The following JAGN1 variants were observed in gnomAD, a reference collection of about 807,000 sequenced individuals.
JAGN1 encodes jagunal vesicle mediated transporter 1, also known as protein jagunal homolog 1.
Under a neutral mutation model 17.1 loss-of-function variants are expected in JAGN1, and 13 were observed. The observed-to-expected ratio is 0.76, with a 90% CI of 0.49 to 1.21. JAGN1 has a LOEUF of 1.21. Ranked by LOEUF, JAGN1 falls within the 50% of genes most tolerant of loss-of-function variation. The pLI is 0.00. For synonymous variants in JAGN1, 111 were observed against 91.0 expected, an observed-to-expected ratio of 1.22 and a Z score of -1.25; for missense variants, 256 against 234.2, an observed-to-expected ratio of 1.09 and a Z score of -0.61.
chr3:9,890,760 A>G lies in JAGN1; in HGVS notation c.38A>G (p.Asp13Gly). The G allele has an allele frequency of 6.2e-7, 1 of 1,610,054 alleles. No individual in the cohort carries two copies. Among genetic ancestry groups the G allele is most frequent in the Non-Finnish European group, 8.5e-7 (1 of 1,178,904 alleles). The change falls in exon 1 of 2, where the codon GAC becomes GGC. Residue 13 changes from aspartate to glycine, a missense_variant. By Grantham distance (94) the Asp-to-Gly change is moderately conservative. Coordinates refer to ENST00000647897, the MANE Select transcript of JAGN1 (RefSeq NM_032492.4). ...GCAGGCCCGCGAGCGGCCGGCACCG[A>G]CGGCAGCGACTTTCAGCACCGGGAG... The part of the protein sequence containing the change: ...SRAGPRAAGT[D>G]GSDFQHRERV...
chr3:9,892,327 T>G (rs1326328198), intron 1 of JAGN1, among the ~76,000 whole-genome samples: 5 of 148,806 alleles, frequency 3.4e-5, no homozygotes, highest in African/African-American at 1.2e-4. Context: ...TGCCTTTTTA[T>G]TAGTAGTATT....
intron 1 of JAGN1, among the ~76,000 whole-genome samples, chr3:9,891,957 C>T (rs762301148): frequency 2.6e-5 from 4 of 152,182 alleles, no homozygotes; most frequent in Non-Finnish European, 4.4e-5. Context: ...ATGGTGCAGT[C>T]AGCGTCCTCT....
chr3:9,892,691 C>T (rs2082570896), intron 1 of JAGN1: 2 of 546,756 alleles, frequency 3.7e-6, no homozygotes, highest in East Asian at 6.2e-5. Flanking sequence ...CCATGCCAGG[C>T]AGAGTTGATT....
At position 9,892,910 on chromosome 3, in the gene JAGN1, CA is replaced by C; in HGVS notation, c.90-4del. On this transcript the variant is annotated splice_region_variant and splice_polypyrimidine_tract_variant and intron_variant, in intron 1 of 1. Transcript: ENST00000647897. ...AGATACTTCTCCCTCTGCTCTGCCC[CA>C]CAGTGTGACTCTCAAGTATGAAATC... 1.9e-6 allele frequency: 3 copies of C among 1,597,958 alleles called. No homozygotes were observed. The highest frequency in any genetic ancestry group is 2.6e-6 in the Non-Finnish European group (3 of 1,166,110).
intron 1 of JAGN1, among the ~76,000 whole-genome samples, chr3:9,891,654 ATC>A (rs1039389162): frequency 6.6e-6 from 1 of 152,004 alleles, no homozygotes; most frequent in Non-Finnish European, 1.5e-5. Flanking sequence ...TGTTCTTCAC[ATC>A]TCTCTCTCCA....
Position 9,893,934 on chromosome 3 carries a change from G to GTT in JAGN1, c.*558_*559insTT, listed in dbSNP as rs1321332540. 6.4e-6 allele frequency: 1 copy of GTT among 155,186 alleles called. No individual in the cohort carries two copies. The highest frequency in any genetic ancestry group is 2.4e-5 in the African/African-American group (1 of 41,454). The allele number at this position is 155,186 out of a possible 1,614,324, so 9.6% of individuals were successfully genotyped here. A position where few individuals can be genotyped will look rare whatever the true frequency, so the allele number is the denominator to read the frequency against. ...GGCCTTAGACACTAGGAGATGATGG[G>GTT]TAGAAGCTCCTTGAGAAACCTAGCA... is the stretch of plus-strand genomic sequence containing the variant. On this transcript the variant is annotated 3_prime_UTR_variant, in exon 2 of 2. Transcript: ENST00000647897.
At chr3:9,890,922 T>C (rs985235854) in intron 1 of JAGN1, 111 bp downstream of exon 1, 22 of 926,382 alleles carry the variant, frequency 2.4e-5, no homozygotes, top group Non-Finnish European at 3.3e-5. Context: ...CAGCCCCCGC[T>C]CACCTGCCAA....
At position 9,890,688 on chromosome 3, in the gene JAGN1, C is replaced by A. The variant is rs1166772509; in HGVS notation, c.-35C>A. The A allele has an allele frequency of 7.6e-6, 12 of 1,580,074 alleles. No homozygotes were observed. In the East Asian group the frequency reaches 1.1e-4, roughly 15 times the overall value. ...TGGCGGTGTCGTTGCGGTACCAGGT[C>A]CGCGTGAGGGGTTCGGGGGTTCTGG... On this transcript the variant is annotated 5_prime_UTR_variant, in exon 1 of 2. Coordinates refer to ENST00000647897, the MANE Select transcript of JAGN1 (RefSeq NM_032492.4).
At position 9,892,955 on chromosome 3, in the gene JAGN1, C is replaced by G; in HGVS notation, c.130C>G (p.His44Asp). Reference sequence around the variant, plus strand: ...TGAAATCAAGAAGCTGATCTACGTACATCTGGTCATATGGCTGCTGCTGGT... The same window carrying G: ...TGAAATCAAGAAGCTGATCTACGTAGATCTGGTCATATGGCTGCTGCTGGT... Reference protein sequence around the residue: ...KYEIKKLIYVHLVIWLLLVAK... With the variant: ...KYEIKKLIYVDLVIWLLLVAK... Residue 44 changes from histidine (H) to aspartate (D), a missense_variant, in exon 2 of 2, where the codon CAT becomes GAT. His to Asp is a moderately conservative substitution (Grantham distance 81, BLOSUM62 -1). Transcript: ENST00000647897. 6.2e-7 allele frequency: 1 copy of G among 1,614,062 alleles called. No individual in the cohort carries two copies. The highest frequency in any genetic ancestry group is 8.5e-7 in the Non-Finnish European group (1 of 1,179,898).
Position 9,893,208 on chromosome 3 carries a change from A to G in JAGN1, c.383A>G (p.Gln128Arg). ...ATGGAGATGTTCCCTGCTGCACAGC[A>G]GCTCTACCGCCATGGCAAGGCCTAC... ...GSMEMFPAAQ[Q>R]LYRHGKAYRF... The change falls in exon 2 of 2, where the codon CAG becomes CGG. Residue 128 changes from glutamine to arginine, a missense_variant. By Grantham distance (43) the Gln-to-Arg change is conservative. Transcript: ENST00000647897. The G allele has an allele frequency of 1.2e-6, 2 of 1,614,170 alleles. No homozygotes were observed. Among genetic ancestry groups the G allele is most frequent in the Non-Finnish European group, 1.7e-6 (2 of 1,180,038 alleles).
At chr3:9,892,834 A>G in intron 1 of JAGN1, 81 bp from the exon 2 acceptor site, 2 of 837,590 alleles carry the variant, frequency 2.4e-6, no homozygotes, top group Non-Finnish European at 3.8e-6. Context: ...TTTGTATCCC[A>G]GTGTCCAGTA....
chr3:9,890,627 C>T lies in JAGN1; in HGVS notation c.-96C>T, dbSNP rs910659328. ...CGGAAGTTCTCTTCACGGAGCCGCG[C>T]GGCTGCGGGGGCGCAAATAGGGTCA... On this transcript the variant is annotated 5_prime_UTR_variant, in exon 1 of 2. Coordinates refer to ENST00000647897, the MANE Select transcript of JAGN1 (RefSeq NM_032492.4). The T allele has an allele frequency of 2.0e-5, 23 of 1,163,760 alleles. No individual in the cohort carries two copies. The South Asian group carries it at 3.2e-4, about 16-fold the overall frequency. The allele number at this position is 1,163,760 out of a possible 1,614,324, so 72.1% of individuals were successfully genotyped here.
intron 1 of JAGN1, 30 bp downstream of exon 1, chr3:9,890,841 T>C: frequency 5.8e-6 from 9 of 1,550,118 alleles, no homozygotes; most frequent in Non-Finnish European, 7.0e-6. Context: ...GCACGGAGGC[T>C]TTCTCCCCCG....
chr3:9,892,547 A>G (rs279554), intron 1 of JAGN1, among the ~76,000 whole-genome samples: 105,079 of 151,664 alleles, frequency 0.69, 36,391 homozygotes, highest in Middle Eastern at 0.73. Context: ...CCTGCCACAC[A>G]TAACCACTTG....
In JAGN1 at chr3:9,893,067, G is replaced by T; in HGVS notation, c.242G>T (p.Ser81Ile). The T allele has an allele frequency of 6.2e-7, 1 of 1,614,184 alleles. No individual in the cohort carries two copies. The highest frequency in any genetic ancestry group is 8.5e-7 in the Non-Finnish European group (1 of 1,180,034). ...PYQWEYPYLL[S>I]ILPSLLGLLS... ...CAGTGGGAATACCCGTATTTGCTGA[G>T]CATTTTGCCCTCTCTCTTGGGCCTT... is the stretch of plus-strand genomic sequence containing the variant. The change falls in exon 2 of 2, where the codon AGC becomes ATC. Residue 81 changes from serine to isoleucine, a missense_variant. Ser to Ile is a moderately radical substitution (Grantham distance 142, BLOSUM62 -2). Transcript: ENST00000647897.
chr3:9,892,749 C>G (rs746766942), intron 1 of JAGN1, 166 bp from the exon 2 acceptor site: 32 of 597,914 alleles, frequency 5.4e-5, no homozygotes, highest in Non-Finnish European at 7.1e-5. Context: ...TTTACTAGAA[C>G]TTTTTCACTT....
chr3:9,893,203 A>G lies in JAGN1; in HGVS notation c.378A>G (p.Ala126=). 6.2e-7 allele frequency: 1 copy of G among 1,614,182 alleles called. No individual in the cohort carries two copies. The highest frequency in any genetic ancestry group is 8.5e-7 in the Non-Finnish European group (1 of 1,180,030). The change falls in exon 2 of 2, where the codon GCA becomes GCG. Residue 126 remains alanine (A), a synonymous_variant. Transcript: ENST00000647897. The part of the protein sequence containing the change: ...IYGSMEMFPA[A]QQLYRHGKAY... Reference sequence around the variant, plus strand: ...GCAGCATGGAGATGTTCCCTGCTGCACAGCAGCTCTACCGCCATGGCAAGG... The same window carrying G: ...GCAGCATGGAGATGTTCCCTGCTGCGCAGCAGCTCTACCGCCATGGCAAGG...
intron 1 of JAGN1, among the ~76,000 whole-genome samples, chr3:9,891,714 C>T (rs2082563894): frequency 6.6e-6 from 1 of 152,180 alleles, no homozygotes; most frequent in African/African-American, 2.4e-5. Context: ...TGTTTCACAT[C>T]TCTAGGCCCC....
At chr3:9,891,377 G>T (rs1383407014) in intron 1 of JAGN1, among the ~76,000 whole-genome samples, 2 of 151,938 alleles carry the variant, frequency 1.3e-5, no homozygotes, top group Non-Finnish European at 2.9e-5. Context: ...TTACTAGTTC[G>T]ACAAATACTG....
Sources: gnomAD v4.1 joint callset for allele counts (sites outside exome capture counted in the v4.1 genomes callset) on GRCh38, gnomAD v4.1.1 for gene constraint, MANE v1.5 for transcripts, NCBI Gene and HGNC (gene_info 2026-07-23, HGNC 2026-07-21) for gene names.